The following KIF13A variants were observed in gnomAD, a reference collection of about 807,000 sequenced individuals.
KIF13A encodes the protein kinesin family member 13A.
In KIF13A, 79 loss-of-function variants were observed where a neutral mutation model predicts 212.2. The ratio of observed to expected loss-of-function variants is 0.37; its 90% CI spans 0.31 to 0.45. The LOEUF (loss-of-function observed/expected upper bound fraction) is 0.45, where lower values mean the gene tolerates loss of function less well. KIF13A is among the 20% of genes least tolerant of loss of function. The pLI is 1.00. For missense variants in KIF13A, 1,901 were observed against 2,209.0 expected (o/e 0.86, Z 2.79); for synonymous variants, 789 against 808.6 (o/e 0.98, Z 0.41).
chr6:17,964,747 A>G (rs1779145037), intron 2 of KIF13A, among the ~76,000 whole-genome samples: 1 of 152,134 alleles, frequency 6.6e-6, no homozygotes, highest in Non-Finnish European at 1.5e-5. Context: ...AGGTCAGTAG[A>G]GCTTCACAGT....
At position 17,773,066 on chromosome 6, in the gene KIF13A, C is replaced by T. The variant is rs1473324048; in HGVS notation, c.4324+412G>A. Among the ~76,000 whole-genome samples, 4 of 152,192 alleles carry T rather than the reference C, an allele frequency of 2.6e-5. No individual in the cohort carries two copies. The highest frequency in any genetic ancestry group is 9.7e-5 in the African/African-American group (4 of 41,440). On this transcript the variant is annotated intron_variant, in intron 36 of 38. Coordinates refer to ENST00000259711, the MANE Select transcript of KIF13A (RefSeq NM_022113.6). This position sits in a 1 kb window ranked among gnomAD's most constrained non-coding sequence, Gnocchi z 4.2. ...TAATAATGTCACCATGAATCAAACT[C>T]ATTTTGGGTATCGTTTTTGAAAACT...
At chr6:17,894,290 C>T (rs919813800) in intron 3 of KIF13A, among the ~76,000 whole-genome samples, 1 of 151,778 alleles carries the variant, frequency 6.6e-6, no homozygotes, top group African/African-American at 2.4e-5. Context: ...CGCCATCATG[C>T]CCTGCTAACT....
At chr6:17,878,037 C>G (rs959227866) in intron 3 of KIF13A, among the ~76,000 whole-genome samples, 1 of 152,160 alleles carries the variant, frequency 6.6e-6, no homozygotes, top group African/African-American at 2.4e-5. Flanking sequence ...TCATGAGTAT[C>G]CTATTACTTG....
At position 17,773,349 on chromosome 6, in the gene KIF13A, T is replaced by C. The variant is rs915585696; in HGVS notation, c.4324+129A>G. On this transcript the variant is annotated intron_variant, in intron 36 of 38. Coordinates refer to ENST00000259711, the MANE Select transcript of KIF13A (RefSeq NM_022113.6). This position sits in a 1 kb window ranked among gnomAD's most constrained non-coding sequence, Gnocchi z 4.2. ...TGTTATATGTTACATTCAATAACAG[T>C]TTTGTATCATCTAGTTAACTAGAAT... 23 of 528,156 alleles carry C rather than the reference T, an allele frequency of 4.4e-5. No homozygotes were observed. The highest frequency in any genetic ancestry group is 6.1e-5 in the Non-Finnish European group (18 of 297,200). 32.7% of individuals were successfully genotyped at this position (528,156 alleles called of 1,614,324 possible).
chr6:17,951,852 T>C lies in KIF13A; in HGVS notation c.146+35202A>G, dbSNP rs527881505. ...GAATATATCACATATTCTTCATCAG[T>C]TGATGGACATTTGGTGACTCATTAC... On this transcript the variant is annotated intron_variant, in intron 2 of 38. Coordinates refer to ENST00000259711, the MANE Select transcript of KIF13A (RefSeq NM_022113.6). The surrounding 1 kb of genome is among the most constrained non-coding windows in gnomAD (Gnocchi z 4.9). Among the ~76,000 whole-genome samples the C allele has an allele frequency of 4.6e-5, 7 of 152,348 alleles. No homozygotes were observed. Among genetic ancestry groups the C allele is most frequent in the East Asian group, 1.9e-4 (1 of 5,188 alleles).
chr6:17,786,626 C>T lies in KIF13A; in HGVS notation c.3362-985G>A, dbSNP rs1285012257. Among the ~76,000 whole-genome samples, 2 of 151,942 alleles carry T rather than the reference C, an allele frequency of 1.3e-5. No individual in the cohort carries two copies. The highest frequency in any genetic ancestry group is 2.9e-5 in the Non-Finnish European group (2 of 67,952). ...AAAATAAAAATAAAAAAATAAAAAA[C>T]CCACCATATATCTTACTCTGTAAAA... is the stretch of plus-strand genomic sequence containing the variant. On this transcript the variant is annotated intron_variant, in intron 27 of 38. Transcript: ENST00000259711. The surrounding 1 kb of genome is among the most constrained non-coding windows in gnomAD (Gnocchi z 5.4).
At chr6:17,779,270 T>A (rs1322662587) in intron 32 of KIF13A, among the ~76,000 whole-genome samples, 171 bp from the exon 33 acceptor site, 135 of 30,690 alleles carry the variant, frequency 4.4e-3, no homozygotes, top group East Asian at 0.043. Context: ...TTTTTTTTTT[T>A]TTTTTTTTTT....
rs747469493 is a variant in KIF13A at position 17,826,127 on chromosome 6, G to T, written c.1533-3C>A. ...CAAGGGTGCCGTTCACACAGGACCT[G>T]GGAGAACACGAGGGAAAATACCAGG... On this transcript the variant is annotated splice_polypyrimidine_tract_variant and splice_region_variant and intron_variant, in intron 14 of 38. Coordinates refer to ENST00000259711, the MANE Select transcript of KIF13A (RefSeq NM_022113.6). The surrounding 1 kb of genome is among the most constrained non-coding windows in gnomAD (Gnocchi z 4.7). 1.2e-6 allele frequency: 2 copies of T among 1,612,928 alleles called. No homozygotes were observed. Among genetic ancestry groups the T allele is most frequent in the South Asian group, 2.2e-5 (2 of 90,944 alleles).
intron 2 of KIF13A, among the ~76,000 whole-genome samples, chr6:17,910,010 G>A (rs550541301): frequency 1.3e-5 from 2 of 152,296 alleles, no homozygotes; most frequent in South Asian, 4.1e-4. Flanking sequence ...AGAGCCAAGA[G>A]CAGTATGCTA....
Position 17,826,069 on chromosome 6 carries a change from G to A in KIF13A, c.1588C>T (p.Arg530Ter), listed in dbSNP as rs866916195. The A allele has an allele frequency of 1.9e-6, 3 of 1,613,886 alleles. No individual in the cohort carries two copies. Among genetic ancestry groups the A allele is most frequent in the Non-Finnish European group, 2.5e-6 (3 of 1,179,866 alleles). Residue 530 changes from arginine to a stop codon, truncating the protein, a stop_gained, in exon 15 of 39, where the codon CGA becomes TGA. Transcript: ENST00000259711. LOFTEE classifies it high-confidence loss of function. This position sits in a 1 kb window ranked among gnomAD's most constrained non-coding sequence, Gnocchi z 4.7. ...AAGTGATTATTTCCCCATAGGATTC[G>A]GTCACCATGCCACAGCTGGGTGGTA... ...CSTTQLWHGD[R>*]ILWGNNHFFR...
Position 17,783,762 on chromosome 6 carries a change from T to C in KIF13A, c.3489-61A>G. ...ATGTATTTTACATCTTGTTAGCTGA[T>C]AAAACACCACAGAGCTGTGGAAGCA... is the stretch of plus-strand genomic sequence containing the variant. On this transcript the variant is annotated intron_variant, in intron 28 of 38. Transcript: ENST00000259711. The surrounding 1 kb of genome is among the most constrained non-coding windows in gnomAD (Gnocchi z 4.3). 9.3e-7 allele frequency: 1 copy of C among 1,080,502 alleles called. No individual in the cohort carries two copies. The highest frequency in any genetic ancestry group is 2.6e-5 in the East Asian group (1 of 38,742). The allele number at this position is 1,080,502 out of a possible 1,614,324, so 66.9% of individuals were successfully genotyped here.
chr6:17,873,320 C>T, intron 4 of KIF13A, 57 bp downstream of exon 4: 1 of 1,169,950 alleles, frequency 8.5e-7, no homozygotes, highest in Non-Finnish European at 1.2e-6. Flanking sequence ...AGAAAATAAA[C>T]TCAATGGAAG....
rs140337156 is a variant in KIF13A at position 17,850,345 on chromosome 6, G to A, written c.695C>T (p.Thr232Ile). 1.3e-3 allele frequency: 2,149 copies of A among 1,613,768 alleles called. 22 individuals carry two copies. The African/African-American group carries it at 0.024, about 18-fold the overall frequency. Reference sequence around the variant, plus strand: ...TACCCCAGACTGCAGGTCATAAAGTGTCTGTGTGATTATGATGTTGAACAC... The same window carrying A: ...TACCCCAGACTGCAGGTCATAAAGTATCTGTGTGATTATGATGTTGAACAC... ...HAVFNIIITQ[T>I]LYDLQSGNSG... is the part of the protein sequence containing the mutation. Residue 232 changes from threonine (T) to isoleucine (I), a missense_variant, in exon 8 of 39, where the codon ACA becomes ATA. Physicochemically the swap from Thr to Ile is moderately conservative, Grantham distance 89. Around this residue, in one of 5 missense-constraint regions of KIF13A, gnomAD observed 506 missense variants for 637.4 expected, o/e 0.79. Coordinates refer to ENST00000259711, the MANE Select transcript of KIF13A (RefSeq NM_022113.6). This position sits in a 1 kb window ranked among gnomAD's most constrained non-coding sequence, Gnocchi z 6.2.
rs1768099000 is a variant in KIF13A, at chr6:17,855,937, C to T, written c.313+93G>A. On this transcript the variant is annotated intron_variant, in intron 5 of 38. Transcript: ENST00000259711. This position sits in a 1 kb window ranked among gnomAD's most constrained non-coding sequence, Gnocchi z 4.1. ...TGTTGCCCAGGCTGGTCTCAAACTC[C>T]TGGGCTCAGGAGATCCTCCCACCCC... 1.1e-6 allele frequency: 1 copy of T among 875,046 alleles called. No homozygotes were observed. The highest frequency in any genetic ancestry group is 2.4e-5 in the Admixed American group (1 of 41,396). The allele number at this position is 875,046 out of a possible 1,614,324, so 54.2% of individuals were successfully genotyped here.
intron 2 of KIF13A, among the ~76,000 whole-genome samples, chr6:17,927,128 G>T (rs780611690): frequency 2.6e-5 from 3 of 116,868 alleles, no homozygotes; most frequent in Non-Finnish European, 5.6e-5. Context: ...AACAGAGCAA[G>T]ACTCTGTCTC....
In KIF13A at chr6:17,855,571, GC is replaced by G; in HGVS notation, c.359del (p.Gly120AlafsTer42). 6.2e-7 allele frequency: 1 copy of G among 1,612,782 alleles called. No homozygotes were observed. Among genetic ancestry groups the G allele is most frequent in the Non-Finnish European group, 8.5e-7 (1 of 1,179,572 alleles). On this transcript the variant is annotated frameshift_variant, in exon 6 of 39. Transcript: ENST00000259711. LOFTEE classifies it high-confidence loss of function. This position sits in a 1 kb window ranked among gnomAD's most constrained non-coding sequence, Gnocchi z 4.1. ...AAGCACAGCAGAGCCTTGGAATAAGGCCCAGCTGCTCAGCATGGCCCATCAT... is the reference window on the plus strand; with the variant it reads ...AAGCACAGCAGAGCCTTGGAATAAGGCCAGCTGCTCAGCATGGCCCATCAT... ...FSMMGHAEQL[G>X]LIPRLCCALF...
At chr6:17,877,714 C>T (rs571347350) in intron 3 of KIF13A, among the ~76,000 whole-genome samples, 16 of 151,096 alleles carry the variant, frequency 1.1e-4, no homozygotes, top group African/African-American at 1.7e-4. Flanking sequence ...TCTTATATCC[C>T]GGGCACTGTG....
Position 17,816,980 on chromosome 6 carries a change from T to C in KIF13A, c.2000+40A>G, listed in dbSNP as rs769833406. 1.9e-6 allele frequency: 3 copies of C among 1,548,652 alleles called. No homozygotes were observed. The highest frequency in any genetic ancestry group is 3.8e-5 in the Admixed American group (2 of 52,436). On this transcript the variant is annotated intron_variant, in intron 17 of 38. Coordinates refer to ENST00000259711, the MANE Select transcript of KIF13A (RefSeq NM_022113.6). This position sits in a 1 kb window ranked among gnomAD's most constrained non-coding sequence, Gnocchi z 4.3. ...CCCCTCCCTCAAAGACCCACGGCCT[T>C]GGGGCCTTGACTCTGGGCTGCCCCC...
At chr6:17,821,898 G>C (rs774907735) in intron 16 of KIF13A, 1 of 1,535,402 alleles carries the variant, frequency 6.5e-7, no homozygotes. Context: ...TTATTATCGG[G>C]AAGCCACCTA....
Sources: gnomAD v4.1 joint callset for allele counts (sites outside exome capture counted in the v4.1 genomes callset) on GRCh38, gnomAD v4.1.1 for gene constraint, gnomAD v4.1.1 regional missense constraint, Gnocchi (gnomAD v3.1) non-coding constraint, MANE v1.5 for transcripts, NCBI Gene and HGNC (gene_info 2026-07-23, HGNC 2026-07-21) for gene names.